Variants in AUTS2 observed in about 807,000 individuals in gnomAD.
AUTS2 encodes the protein activator of transcription and developmental regulator AUTS2.
A neutral mutation model predicts 112.4 loss-of-function variants in AUTS2; 17 were observed. That is an observed-to-expected ratio of 0.15 (90% CI 0.10 to 0.23). The LOEUF is 0.23. Ranked by LOEUF, AUTS2 falls within the 10% of genes least tolerant of loss-of-function variation. The probability of loss-of-function intolerance (pLI) is 1.00; values close to 1 mark genes in which losing one functional copy is unlikely to be tolerated. For missense variants in AUTS2, 1,510 were observed against 1,701.6 expected, an observed-to-expected ratio of 0.89 and a Z score of 1.98; for synonymous variants, 751 against 702.7, an observed-to-expected ratio of 1.07 and a Z score of -1.09.
chr7:70,466,908 G>A (rs1329864836), intron 5 of AUTS2, among the ~76,000 whole-genome samples: 3 of 152,180 alleles, frequency 2.0e-5, no homozygotes, highest in Non-Finnish European at 4.4e-5. Flanking sequence ...CAGCAGTGAG[G>A]AGAGACTGTT....
intron 5 of AUTS2, among the ~76,000 whole-genome samples, chr7:70,585,862 A>C (rs1490055533): frequency 8.9e-3 from 2 of 224 alleles, no homozygotes; most frequent in African/African-American, 0.027. Context: ...TTATTTATGT[A>C]TGTATATATG....
chr7:70,061,798 TC>T (rs1265867577), intron 2 of AUTS2, among the ~76,000 whole-genome samples: 3 of 150,320 alleles, frequency 2.0e-5, no homozygotes, highest in Non-Finnish European at 4.4e-5. Flanking sequence ...TTTTTTTTGC[TC>T]CCCCGGAGAC....
chr7:70,110,454 T>A (rs1805010864), intron 2 of AUTS2, among the ~76,000 whole-genome samples: 1 of 152,120 alleles, frequency 6.6e-6, no homozygotes, highest in Non-Finnish European at 1.5e-5. Context: ...AGGCAGAGGT[T>A]GCAGTGAGCC....
intron 4 of AUTS2, among the ~76,000 whole-genome samples, chr7:70,374,155 G>A (rs996815048): frequency 6.6e-6 from 1 of 152,146 alleles, no homozygotes; most frequent in East Asian, 1.9e-4. Context: ...ATTTCTACAA[G>A]AAGCAGAGTG....
chr7:70,204,452 C>T (rs1810465281), intron 4 of AUTS2, among the ~76,000 whole-genome samples: 1 of 151,824 alleles, frequency 6.6e-6, no homozygotes, highest in Non-Finnish European at 1.5e-5. Flanking sequence ...CATTATTCAG[C>T]TTTGATTGAA....
chr7:69,686,193 G>A (rs1367579384), intron 1 of AUTS2, among the ~76,000 whole-genome samples: 2 of 152,144 alleles, frequency 1.3e-5, no homozygotes, highest in African/African-American at 4.8e-5. Context: ...AGTTTCCCAA[G>A]TAGGAAGGGA....
At chr7:69,600,132 A>G (rs1380521277) in intron 1 of AUTS2, among the ~76,000 whole-genome samples, 170 bp downstream of exon 1, 1 of 152,030 alleles carries the variant, frequency 6.6e-6, no homozygotes, top group Non-Finnish European at 1.5e-5. Flanking sequence ...GGGCGCGGGC[A>G]GACAGGCAGC....
chr7:70,099,312 G>T (rs1035087763), intron 2 of AUTS2, among the ~76,000 whole-genome samples: 6 of 152,134 alleles, frequency 3.9e-5, no homozygotes, highest in Non-Finnish European at 7.4e-5. Context: ...ATAGGTAAAG[G>T]CAGATTTTCT....
intron 1 of AUTS2, among the ~76,000 whole-genome samples, chr7:69,848,262 A>G (rs1361035331): frequency 6.6e-6 from 1 of 152,240 alleles, no homozygotes; most frequent in Non-Finnish European, 1.5e-5. Flanking sequence ...CCCTATCTGT[A>G]ACCCCATTAA....
intron 6 of AUTS2, among the ~76,000 whole-genome samples, chr7:70,728,185 G>C (rs1482673356): frequency 6.6e-6 from 1 of 152,128 alleles, no homozygotes; most frequent in Non-Finnish European, 1.5e-5. Flanking sequence ...AAAATTGTTT[G>C]CTTTGTGATG....
intron 2 of AUTS2, among the ~76,000 whole-genome samples, chr7:69,915,605 G>A (rs1321662572): frequency 1.3e-5 from 2 of 152,190 alleles, no homozygotes; most frequent in Non-Finnish European, 2.9e-5. Flanking sequence ...TTATGTTTCT[G>A]TCTAGAGGTG....
intron 5 of AUTS2, among the ~76,000 whole-genome samples, chr7:70,458,932 A>G (rs943031276): frequency 1.3e-5 from 2 of 152,200 alleles, no homozygotes; most frequent in Non-Finnish European, 2.9e-5. Context: ...GGCCATGGAC[A>G]GTGCAGCTGC....
At chr7:70,567,388 T>G (rs953995900) in intron 5 of AUTS2, among the ~76,000 whole-genome samples, 1 of 152,196 alleles carries the variant, frequency 6.6e-6, no homozygotes, top group Non-Finnish European at 1.5e-5. Flanking sequence ...CAAAAAAAAT[T>G]TCCATTGAGA....
intron 2 of AUTS2, among the ~76,000 whole-genome samples, chr7:69,990,369 C>T (rs2129551400): frequency 6.6e-6 from 1 of 152,224 alleles, no homozygotes; most frequent in East Asian, 1.9e-4. Flanking sequence ...AGAATTTTGA[C>T]TATTTGATTG....
intron 4 of AUTS2, among the ~76,000 whole-genome samples, chr7:70,238,482 T>A (rs1214093490): frequency 1.3e-5 from 2 of 152,192 alleles, no homozygotes; most frequent in African/African-American, 2.4e-5. Context: ...TTTACTTTCC[T>A]CTTTTAGCTT....
rs185196538 is a variant in AUTS2, at chr7:70,300,313, C to G, written c.661-135439C>G. Among the ~76,000 whole-genome samples, 19 of 152,314 alleles carry G rather than the reference C, an allele frequency of 1.2e-4. No individual in the cohort carries two copies. In the East Asian group the frequency reaches 1.7e-3, roughly 14 times the overall value. On this transcript the variant is annotated intron_variant, in intron 4 of 18. Transcript: ENST00000342771. ...GTTTACAAATTTGTTGGGCCACATTCAGAGCTGTCCTGAGCCACGTGCGGG... is the reference window on the plus strand; with the variant it reads ...GTTTACAAATTTGTTGGGCCACATTGAGAGCTGTCCTGAGCCACGTGCGGG...
chr7:70,129,858 A>G (rs561405554), intron 3 of AUTS2, among the ~76,000 whole-genome samples: 1 of 151,934 alleles, frequency 6.6e-6, no homozygotes, highest in East Asian at 1.9e-4. Flanking sequence ...GATTTCTTCC[A>G]ACAACTATAT....
chr7:69,886,130 T>C (rs531636172), intron 1 of AUTS2, among the ~76,000 whole-genome samples: 1 of 152,290 alleles, frequency 6.6e-6, no homozygotes, highest in South Asian at 2.1e-4. Flanking sequence ...ACCCTACATT[T>C]ATAGGTATTG....
At chr7:69,722,747 G>A (rs1318206105) in intron 1 of AUTS2, among the ~76,000 whole-genome samples, 1 of 152,082 alleles carries the variant, frequency 6.6e-6, no homozygotes, top group Non-Finnish European at 1.5e-5. Flanking sequence ...TTGATGTGCA[G>A]AACAAAGTAT....
Sources: allele counts gnomAD v4.1 joint callset (sites outside exome capture counted in the v4.1 genomes callset), GRCh38; gene constraint gnomAD v4.1.1; transcripts MANE v1.5; gene names NCBI Gene and HGNC (gene_info 2026-07-23, HGNC 2026-07-21).